Variants in THRB observed in about 807,000 individuals in gnomAD.
THRB encodes the protein thyroid hormone receptor beta.
In THRB, 12 loss-of-function variants were observed where a neutral mutation model predicts 47.8. That is an observed-to-expected ratio of 0.25 (90% confidence interval 0.16 to 0.41). The LOEUF is 0.41. Among genes scored for constraint, THRB ranks in the 10% least tolerant of loss-of-function variants. THRB has a pLI of 1.00. For synonymous variants in THRB, 218 were observed against 212.2 expected, an observed-to-expected ratio of 1.03 and a Z score of -0.24; for missense variants, 348 against 589.2, an observed-to-expected ratio of 0.59 and a Z score of 4.24.
At chr3:24,338,150 C>A (rs6787255) in intron 1 of THRB, among the ~76,000 whole-genome samples, 80,744 of 151,970 alleles carry the variant, frequency 0.53, 24,886 homozygotes, top group African/African-American at 0.84. Context: ...CCCACTACCC[C>A]AAATATAAAC....
At chr3:24,349,144 C>G (rs545611216) in intron 1 of THRB, among the ~76,000 whole-genome samples, 19 of 151,972 alleles carry the variant, frequency 1.3e-4, no homozygotes, top group Non-Finnish European at 2.5e-4. Flanking sequence ...ACTTTAAAAT[C>G]CATTTTTAAA....
At chr3:24,191,759 C>A (rs1002298329) in intron 4 of THRB, among the ~76,000 whole-genome samples, 8 of 152,132 alleles carry the variant, frequency 5.3e-5, no homozygotes, top group African/African-American at 1.9e-4. Context: ...TGAGAAAATG[C>A]CAATGCCCAT....
chr3:24,416,176 C>A (rs1227839374), intron 1 of THRB, among the ~76,000 whole-genome samples: 1 of 151,564 alleles, frequency 6.6e-6, no homozygotes, highest in Non-Finnish European at 1.5e-5. Context: ...CCCCTAAGTG[C>A]TTTCATATGG....
At chr3:24,303,185 T>C (rs1046280291) in intron 2 of THRB, among the ~76,000 whole-genome samples, 3 of 152,186 alleles carry the variant, frequency 2.0e-5, no homozygotes, top group African/African-American at 7.2e-5. Flanking sequence ...ATAAAACAAA[T>C]ACAAAGAAAA....
At chr3:24,227,426 C>G (rs1010965729) in intron 4 of THRB, among the ~76,000 whole-genome samples, 1 of 152,116 alleles carries the variant, frequency 6.6e-6, no homozygotes, top group Non-Finnish European at 1.5e-5. Context: ...AGAATTTGAC[C>G]TAGTTGGCAG....
At chr3:24,224,025 A>G (rs934832546) in intron 4 of THRB, among the ~76,000 whole-genome samples, 1 of 152,182 alleles carries the variant, frequency 6.6e-6, no homozygotes. Flanking sequence ...AAATTTCTAC[A>G]TTTGGAGGGT....
chr3:24,168,303 G>A (rs943488345), intron 5 of THRB, among the ~76,000 whole-genome samples: 16 of 152,134 alleles, frequency 1.1e-4, no homozygotes, highest in African/African-American at 3.9e-4. Context: ...AGTCAGTAAA[G>A]CAATCTAAAC....
chr3:24,385,044 G>C (rs145697751), intron 1 of THRB, among the ~76,000 whole-genome samples: 83 of 152,150 alleles, frequency 5.5e-4, no homozygotes, highest in Middle Eastern at 3.4e-3. Flanking sequence ...GAGAAAGAAG[G>C]TTAGGGAACT....
chr3:24,305,663 T>C (rs770529738), intron 2 of THRB, among the ~76,000 whole-genome samples: 5 of 152,212 alleles, frequency 3.3e-5, no homozygotes, highest in Admixed American at 6.5e-5. Context: ...ATTTTAATAA[T>C]GAGGTAAAGA....
chr3:24,252,651 G>T (rs141169381), intron 3 of THRB, among the ~76,000 whole-genome samples: 1 of 150,916 alleles, frequency 6.6e-6, no homozygotes, highest in Non-Finnish European at 1.5e-5. Flanking sequence ...TATGTAAAAC[G>T]CAAATGTCCA....
At chr3:24,288,300 A>G (rs972774600) in intron 3 of THRB, among the ~76,000 whole-genome samples, 1 of 152,230 alleles carries the variant, frequency 6.6e-6, no homozygotes, top group African/African-American at 2.4e-5. Flanking sequence ...CAGAGCCAGG[A>G]TTTCTAAACC....
intron 1 of THRB, among the ~76,000 whole-genome samples, chr3:24,461,525 T>C (rs891429137): frequency 1.3e-5 from 2 of 152,256 alleles, no homozygotes; most frequent in Non-Finnish European, 1.5e-5. Flanking sequence ...CTAACTCTTC[T>C]TGCAGCTGGC....
At chr3:24,436,429 G>A (rs1366768924) in intron 1 of THRB, among the ~76,000 whole-genome samples, 1 of 152,086 alleles carries the variant, frequency 6.6e-6, no homozygotes, top group African/African-American at 2.4e-5. Context: ...GAAAGACGGA[G>A]TCAGAACTCA....
intron 1 of THRB, among the ~76,000 whole-genome samples, chr3:24,480,217 G>A (rs1333492859): frequency 1.3e-5 from 2 of 152,146 alleles, no homozygotes; most frequent in Non-Finnish European, 1.5e-5. Context: ...CCAAACTGAT[G>A]GTCAGTCTTT....
chr3:24,417,119 C>T (rs1052909917), intron 1 of THRB, among the ~76,000 whole-genome samples: 1 of 151,342 alleles, frequency 6.6e-6, no homozygotes, highest in Admixed American at 6.6e-5. Context: ...CACACACACA[C>T]ACACACACAC....
At chr3:24,368,624 T>G (rs546764469) in intron 1 of THRB, among the ~76,000 whole-genome samples, 1 of 152,222 alleles carries the variant, frequency 6.6e-6, no homozygotes, top group Non-Finnish European at 1.5e-5. Context: ...TGCCTAGTTA[T>G]GTTGCATTTC....
chr3:24,239,480 C>T (rs772340486), intron 3 of THRB, among the ~76,000 whole-genome samples: 4 of 152,168 alleles, frequency 2.6e-5, no homozygotes, highest in African/African-American at 4.8e-5. Flanking sequence ...TGAGAATTTA[C>T]ATCATCATTA....
At position 24,339,126 on chromosome 3, in the gene THRB, T is replaced by G. The variant is rs529539904; in HGVS notation, c.-260-1755A>C. Among the ~76,000 whole-genome samples, 57 of 151,870 alleles carry G rather than the reference T, an allele frequency of 3.8e-4. 1 individual carries two copies. In the South Asian group the frequency reaches 0.012, roughly 32 times the overall value. On this transcript the variant is annotated intron_variant, in intron 1 of 10. Transcript: ENST00000646209. ...TGACATTAATATATAAATACAAAAC[T>G]ATATATATATAGATATTTTGGATGC...
intron 3 of THRB, among the ~76,000 whole-genome samples, chr3:24,254,651 T>G (rs2051057369): frequency 6.6e-6 from 1 of 152,220 alleles, no homozygotes; most frequent in African/African-American, 2.4e-5. Context: ...TTCTGTTGAT[T>G]GCTATCAGGG....
Sources: allele counts gnomAD v4.1 joint callset (sites outside exome capture counted in the v4.1 genomes callset), GRCh38; gene constraint gnomAD v4.1.1; transcripts MANE v1.5; gene names NCBI Gene and HGNC (gene_info 2026-07-23, HGNC 2026-07-21).